GLIS3: variants seen among roughly 807,000 people sequenced by gnomAD.
The protein encoded by GLIS3 is GLIS family zinc finger 3, also known as zinc finger protein GLIS3.
In GLIS3, 53 loss-of-function variants were observed where a neutral mutation model predicts 78.6. The observed-to-expected ratio is 0.67, with a 90% CI of 0.54 to 0.85. The LOEUF (loss-of-function observed/expected upper bound fraction) is 0.85, where lower values mean the gene tolerates loss of function less well. Among genes scored for constraint, GLIS3 ranks in the 40% least tolerant of loss-of-function variants. The pLI, the probability that GLIS3 is intolerant of heterozygous loss-of-function variation, is 0.00. For missense variants in GLIS3, 1,703 were observed against 1,231.1 expected, an observed-to-expected ratio of 1.38 and a Z score of -5.74; for synonymous variants, 684 against 509.9, an observed-to-expected ratio of 1.34 and a Z score of -4.60.
At chr9:3,966,899 A>C (rs1390278210) in intron 4 of GLIS3, among the ~76,000 whole-genome samples, 2 of 151,636 alleles carry the variant, frequency 1.3e-5, no homozygotes, top group African/African-American at 4.8e-5. Flanking sequence ...TGAGGTCTGC[A>C]ACTCTCACCA....
At chr9:4,462,820 A>T in the GLIS3 span, among the ~76,000 whole-genome samples, 11 of 152,320 alleles carry the variant, frequency 7.2e-5, no homozygotes, top group East Asian at 2.1e-3. Flanking sequence ...AAAAAAAGAA[A>T]AAAGAAGAAA....
At chr9:4,439,124 G>A in the GLIS3 span, among the ~76,000 whole-genome samples, 209 of 152,186 alleles carry the variant, frequency 1.4e-3, 1 homozygote, top group Non-Finnish European at 2.4e-3. Flanking sequence ...TCTCTGTGCT[G>A]CATGCTGAGG....
At chr9:3,920,287 GCC>G (rs1477774163) in intron 6 of GLIS3, among the ~76,000 whole-genome samples, 2 of 152,202 alleles carry the variant, frequency 1.3e-5, no homozygotes, top group Non-Finnish European at 2.9e-5. Flanking sequence ...ACAGGCATGA[GCC>G]ACTGTGCCCG....
intron 4 of GLIS3, among the ~76,000 whole-genome samples, chr9:3,969,787 T>A (rs1410787491): frequency 6.6e-6 from 1 of 152,218 alleles, no homozygotes; most frequent in African/African-American, 2.4e-5. Flanking sequence ...TTGCTTTCAG[T>A]CACTCCTAAT....
intron 2 of GLIS3, among the ~76,000 whole-genome samples, chr9:4,137,040 G>A (rs990747320): frequency 6.6e-6 from 1 of 152,178 alleles, no homozygotes; most frequent in Admixed American, 6.5e-5. Context: ...GAAGAGATGG[G>A]GAGAAAGGCT....
the GLIS3 span, among the ~76,000 whole-genome samples, chr9:4,381,802 G>C: frequency 2.0e-5 from 3 of 152,186 alleles, no homozygotes; most frequent in Non-Finnish European, 4.4e-5. Flanking sequence ...GTTATGTCTG[G>C]CAAGAGGAAG....
In GLIS3 at chr9:4,114,393, T is replaced by C. The variant is rs567667959; in HGVS notation, c.1710+3375A>G. ...GGGTTTATACTTCATGTTGTCCTTT[T>C]AGGAACATGAAACAGGGGTTTGGGA... On this transcript the variant is annotated intron_variant, in intron 4 of 10. Coordinates refer to ENST00000381971, the MANE Select transcript of GLIS3 (RefSeq NM_001042413.2). 1.4e-4 allele frequency among the ~76,000 whole-genome samples: 22 copies of C among 152,264 alleles called. No individual in the cohort carries two copies. The East Asian group carries it at 4.1e-3, about 28-fold the overall frequency.
chr9:4,055,756 C>G (rs1456477735), intron 4 of GLIS3, among the ~76,000 whole-genome samples: 1 of 152,206 alleles, frequency 6.6e-6, no homozygotes, highest in Non-Finnish European at 1.5e-5. Flanking sequence ...CCACAGCAAG[C>G]TGGCTCAAGT....
chr9:4,178,035 G>C (rs1254025879), intron 2 of GLIS3, among the ~76,000 whole-genome samples: 1 of 152,200 alleles, frequency 6.6e-6, no homozygotes, highest in Non-Finnish European at 1.5e-5. Flanking sequence ...GTAATTTATG[G>C]AGTGAAGCTA....
At chr9:4,053,432 C>G (rs968817256) in intron 4 of GLIS3, among the ~76,000 whole-genome samples, 3 of 152,078 alleles carry the variant, frequency 2.0e-5, no homozygotes, top group East Asian at 1.9e-4. Flanking sequence ...TTGTTTCAAT[C>G]TCTTCACAGC....
chr9:4,104,958 G>A (rs975533418), intron 4 of GLIS3, among the ~76,000 whole-genome samples: 2 of 152,172 alleles, frequency 1.3e-5, no homozygotes, highest in African/African-American at 4.8e-5. Flanking sequence ...AGGCCTTGCT[G>A]TTTTGCACCT....
chr9:4,348,672 T>G (rs746429295), upstream of GLIS3, among the ~76,000 whole-genome samples: 32 of 152,306 alleles, frequency 2.1e-4, no homozygotes, highest in Non-Finnish European at 4.0e-4. Flanking sequence ...TTTCTCCCAG[T>G]GACTCACAAT....
intron 7 of GLIS3, among the ~76,000 whole-genome samples, chr9:3,884,848 C>T (rs1168719475): frequency 6.6e-6 from 1 of 152,086 alleles, no homozygotes; most frequent in Non-Finnish European, 1.5e-5. Context: ...CCCTATATTG[C>T]CTCCCAAAGG....
Position 3,889,037 on chromosome 9 carries a change from G to A in GLIS3, c.2129-9442C>T, listed in dbSNP as rs571876196. 2.0e-5 allele frequency among the ~76,000 whole-genome samples: 3 copies of A among 152,240 alleles called. No individual in the cohort carries two copies. In the East Asian group the frequency reaches 5.8e-4, roughly 29 times the overall value. ...GGCTTTAATTTATGTGTCTAGGAGA[G>A]GCTTAGATTTTCGAAAACATAACCC... is the stretch of plus-strand genomic sequence containing the variant. On this transcript the variant is annotated intron_variant, in intron 7 of 10. Transcript: ENST00000381971.
chr9:4,405,212 G>C, the GLIS3 span, among the ~76,000 whole-genome samples: 2 of 152,074 alleles, frequency 1.3e-5, no homozygotes. Context: ...AAATTAGCCA[G>C]GTTTGGTGGT....
At chr9:3,863,748 G>A (rs1820386484) in intron 8 of GLIS3, among the ~76,000 whole-genome samples, 1 of 152,196 alleles carries the variant, frequency 6.6e-6, no homozygotes, top group Non-Finnish European at 1.5e-5. Context: ...GTGTTCTGGA[G>A]GAAAGTTTCT....
chr9:3,994,556 T>A (rs1820589509), intron 4 of GLIS3, among the ~76,000 whole-genome samples: 1 of 152,226 alleles, frequency 6.6e-6, no homozygotes, highest in African/African-American at 2.4e-5. Context: ...TATTAAAATA[T>A]GTTTTTGAGT....
the GLIS3 span, among the ~76,000 whole-genome samples, chr9:4,475,465 G>A: frequency 2.6e-5 from 4 of 152,264 alleles, no homozygotes; most frequent in South Asian, 8.3e-4. Flanking sequence ...GGTATTATTT[G>A]TAACAGCAAA....
intron 4 of GLIS3, among the ~76,000 whole-genome samples, chr9:3,991,891 C>T (rs789266): frequency 0.46 from 70,352 of 151,538 alleles, 17,915 homozygotes; most frequent in African/African-American, 0.69. Flanking sequence ...GGGGTTTCAC[C>T]GTATTGGCCA....
Sources: allele counts gnomAD v4.1 joint callset (sites outside exome capture counted in the v4.1 genomes callset), GRCh38; gene constraint gnomAD v4.1.1; transcripts MANE v1.5; gene names NCBI Gene and HGNC (gene_info 2026-07-23, HGNC 2026-07-21).